The following NAALADL2 variants were observed in gnomAD, a reference collection of about 807,000 sequenced individuals.
The protein encoded by NAALADL2 is N-acetylated alpha-linked acidic dipeptidase like 2, also known as inactive N-acetylated-alpha-linked acidic dipeptidase-like protein 2.
Under a neutral mutation model 87.2 loss-of-function variants are expected in NAALADL2, and 76 were observed. The ratio of observed to expected loss-of-function variants is 0.87; its 90% CI spans 0.72 to 1.05. The LOEUF (loss-of-function observed/expected upper bound fraction) is 1.05. Among genes scored for constraint, NAALADL2 ranks in the 50% least tolerant of loss-of-function variants. The pLI is 0.00. For synonymous variants in NAALADL2, 354 were observed against 331.0 expected (o/e 1.07, Z -0.75); for missense variants, 1,089 against 945.8 (o/e 1.15, Z -1.99).
intron 8 of NAALADL2, among the ~76,000 whole-genome samples, chr3:175,471,046 T>C (rs1724787279): frequency 6.6e-6 from 1 of 152,188 alleles, no homozygotes. Context: ...TGTTAACCTT[T>C]GAAGAACATT....
intron 1 of NAALADL2, among the ~76,000 whole-genome samples, chr3:174,867,726 AAAAC>A (rs1212142160): frequency 1.3e-5 from 2 of 152,128 alleles, no homozygotes; most frequent in African/African-American, 4.8e-5. Context: ...AAAACAAAAT[AAAAC>A]AAGAAGCTTT....
intron 5 of NAALADL2, among the ~76,000 whole-genome samples, chr3:175,408,313 T>A (rs1231640479): frequency 6.6e-6 from 1 of 152,102 alleles, no homozygotes; most frequent in African/African-American, 2.4e-5. Context: ...AGTGAGGTGA[T>A]GAATATGTTA....
intron 11 of NAALADL2, among the ~76,000 whole-genome samples, chr3:175,721,715 C>A (rs1742257858): frequency 6.6e-6 from 1 of 152,018 alleles, no homozygotes; most frequent in South Asian, 2.1e-4. Flanking sequence ...TAATACATTT[C>A]TCTCTAGAGG....
chr3:174,518,592 A>T (rs1451736439), intron 1 of NAALADL2, among the ~76,000 whole-genome samples: 2 of 152,144 alleles, frequency 1.3e-5, no homozygotes, highest in African/African-American at 4.8e-5. Flanking sequence ...AATAAAATTT[A>T]ATCACCTTAA....
chr3:175,344,346 T>C (rs1407454568), intron 5 of NAALADL2, among the ~76,000 whole-genome samples: 1 of 151,790 alleles, frequency 6.6e-6, no homozygotes, highest in Non-Finnish European at 1.5e-5. Context: ...TTTCTACTTT[T>C]ACACAATATG....
intron 4 of NAALADL2, among the ~76,000 whole-genome samples, chr3:175,318,910 T>C (rs938247721): frequency 2.0e-5 from 3 of 152,274 alleles, no homozygotes; most frequent in Admixed American, 1.3e-4. Context: ...CTGCCTTCTT[T>C]CATTTAGCAT....
chr3:175,447,442 A>C lies in NAALADL2; in HGVS notation c.1234+70A>C. The C allele has an allele frequency of 3.8e-6, 4 of 1,059,722 alleles. No homozygotes were observed. In the South Asian group the frequency reaches 7.5e-5, roughly 20 times the overall value. 65.6% of individuals were successfully genotyped at this position (1,059,722 alleles called of 1,614,324 possible). On this transcript the variant is annotated intron_variant, in intron 6 of 13. Transcript: ENST00000454872. Reference sequence around the variant, plus strand: ...AGACCATGATCATTTTTAATCTCCTAAATTGATGTATGTAGGATTATTCTT... The same window carrying C: ...AGACCATGATCATTTTTAATCTCCTCAATTGATGTATGTAGGATTATTCTT...
intron 5 of NAALADL2, among the ~76,000 whole-genome samples, chr3:175,367,998 T>C (rs1302612031): frequency 6.6e-6 from 1 of 152,186 alleles, no homozygotes; most frequent in Non-Finnish European, 1.5e-5. Context: ...GGGTTTGTCA[T>C]AGATAGCTCT....
intron 2 of NAALADL2, among the ~76,000 whole-genome samples, chr3:174,728,286 G>T (rs1732392262): frequency 6.6e-6 from 1 of 151,926 alleles, no homozygotes; most frequent in Non-Finnish European, 1.5e-5. Flanking sequence ...TTGTCCCCAA[G>T]AAGTCACAGA....
At chr3:175,068,580 C>G (rs546522636) in intron 1 of NAALADL2, among the ~76,000 whole-genome samples, 1 of 152,198 alleles carries the variant, frequency 6.6e-6, no homozygotes, top group East Asian at 1.9e-4. Context: ...TTGGGGTTCT[C>G]TGTGACTGAG....
At chr3:175,627,267 T>C in intron 10 of NAALADL2, 24 bp from the exon 11 acceptor site, 1 of 1,512,322 alleles carries the variant, frequency 6.6e-7, no homozygotes, top group South Asian at 1.2e-5. Flanking sequence ...GAGTTTTAAA[T>C]GTTTCTTTTT....
chr3:174,485,361 A>T (rs892848289), intron 1 of NAALADL2, among the ~76,000 whole-genome samples: 3 of 151,812 alleles, frequency 2.0e-5, no homozygotes, highest in African/African-American at 7.2e-5. Flanking sequence ...AACTTGTGTC[A>T]TGGGGGTTTG....
At chr3:175,780,284 A>G (rs114562677) in intron 13 of NAALADL2, among the ~76,000 whole-genome samples, 5,934 of 151,984 alleles carry the variant, frequency 0.039, 336 homozygotes, top group African/African-American at 0.11. Flanking sequence ...TCAAAAAAAA[A>G]AAACCAATAA....
chr3:174,921,144 G>A (rs1735124987), intron 1 of NAALADL2, among the ~76,000 whole-genome samples: 3 of 152,090 alleles, frequency 2.0e-5, no homozygotes, highest in African/African-American at 7.2e-5. Context: ...CATGCTATTG[G>A]AAAAAAATGG....
chr3:174,551,064 T>C (rs917486183), intron 2 of NAALADL2: 11 of 152,152 alleles, frequency 7.2e-5, no homozygotes, highest in South Asian at 2.1e-4. Flanking sequence ...TACATATGTA[T>C]ACATGTGCCA....
At chr3:175,715,198 A>G (rs1202690312) in intron 11 of NAALADL2, among the ~76,000 whole-genome samples, 1 of 152,180 alleles carries the variant, frequency 6.6e-6, no homozygotes, top group Non-Finnish European at 1.5e-5. Context: ...CCAAGGCCAC[A>G]AGGATGTGGA....
intron 3 of NAALADL2, among the ~76,000 whole-genome samples, chr3:174,838,249 A>G (rs1037083148): frequency 3.3e-5 from 5 of 152,186 alleles, no homozygotes; most frequent in Non-Finnish European, 7.4e-5. Context: ...AAATCACATC[A>G]TCATCACAAT....
intron 12 of NAALADL2, among the ~76,000 whole-genome samples, chr3:175,752,892 A>G (rs1746786594): frequency 6.6e-6 from 1 of 152,186 alleles, no homozygotes; most frequent in African/African-American, 2.4e-5. Context: ...TCTTTCCAGC[A>G]TAATCTAAAT....
intron 5 of NAALADL2, chr3:175,369,621 G>A (rs1310579241): frequency 1.3e-5 from 2 of 152,290 alleles, no homozygotes; most frequent in African/African-American, 4.8e-5. Context: ...TAGGTAGCCT[G>A]TGTGTGTGTG....
Sources: allele counts gnomAD v4.1 joint callset (sites outside exome capture counted in the v4.1 genomes callset), GRCh38; gene constraint gnomAD v4.1.1; transcripts MANE v1.5; gene names NCBI Gene and HGNC (gene_info 2026-07-23, HGNC 2026-07-21).